ZNF569: variants seen among roughly 807,000 people sequenced by gnomAD.
ZNF569 encodes the protein DNA-binding protein.
Under a neutral mutation model 56.3 loss-of-function variants are expected in ZNF569, and 38 were observed. The observed-to-expected ratio is 0.68, with a 90% CI of 0.52 to 0.88. The LOEUF (loss-of-function observed/expected upper bound fraction) is 0.88. ZNF569 is among the 40% of genes least tolerant of loss of function. The probability of loss-of-function intolerance (pLI) is 0.00; values close to 1 mark genes in which losing one functional copy is unlikely to be tolerated. For missense variants in ZNF569, 666 were observed against 809.2 expected (o/e 0.82, Z 2.15); for synonymous variants, 241 against 262.9 (o/e 0.92, Z 0.81).
At chr19:37,417,190 G>A (rs1437512448) in intron 5 of ZNF569, among the ~76,000 whole-genome samples, 1 of 152,088 alleles carries the variant, frequency 6.6e-6, no homozygotes, top group African/African-American at 2.4e-5. Flanking sequence ...TTCCCTACAG[G>A]TTTCAGAGGG....
At chr19:37,451,021 T>C (rs966557308) in intron 2 of ZNF569, among the ~76,000 whole-genome samples, 2 of 152,192 alleles carry the variant, frequency 1.3e-5, no homozygotes, top group African/African-American at 4.8e-5. Flanking sequence ...TTAACATTTG[T>C]TTTGTGATCT....
At chr19:37,435,794 TATA>T (rs1247998703) in intron 3 of ZNF569, among the ~76,000 whole-genome samples, 1 of 152,168 alleles carries the variant, frequency 6.6e-6, no homozygotes, top group Non-Finnish European at 1.5e-5. Flanking sequence ...AGCAAGAGGA[TATA>T]ATAATTGTCA....
chr19:37,467,399 C>A lies in ZNF569; in HGVS notation c.-520G>T, dbSNP rs1445750562. The A allele has an allele frequency of 6.3e-6, 1 of 159,548 alleles. No homozygotes were observed. The highest frequency in any genetic ancestry group is 1.4e-5 in the Non-Finnish European group (1 of 72,796). 9.9% of individuals were successfully genotyped at this position (159,548 alleles called of 1,614,324 possible). On this transcript the variant is annotated 5_prime_UTR_variant, in exon 1 of 6. Transcript: ENST00000316950. ...GAGCCCAGCTCTGAGAGATTGGGAG[C>A]GCAACTTGGTGCTGAGAAGAATCGA...
At chr19:37,445,182 A>G (rs2041472444) in intron 2 of ZNF569, among the ~76,000 whole-genome samples, 1 of 152,214 alleles carries the variant, frequency 6.6e-6, no homozygotes, top group Non-Finnish European at 1.5e-5. Context: ...AGGGGTGCGT[A>G]TGTGGGAGCT....
In ZNF569 at chr19:37,413,311, C is replaced by G; in HGVS notation, c.1347G>C (p.Gln449His). 1 of 1,608,036 alleles carries G rather than the reference C, an allele frequency of 6.2e-7. No homozygotes were observed. Among genetic ancestry groups the G allele is most frequent in the Non-Finnish European group, 8.5e-7 (1 of 1,178,106 alleles). ...TCTGGTGTCTAACAAGATTTGACAT[C>G]TGTATAAAAGCTTTCCCACATTCAT... ...ECNECGKAFI[Q>H]MSNLVRHQRI... The change falls in exon 6 of 6, where the codon CAG becomes CAC. Residue 449 changes from glutamine to histidine, a missense_variant. Physicochemically the swap from Gln to His is conservative, Grantham distance 24 (BLOSUM62 0). Coordinates refer to ENST00000316950, the MANE Select transcript of ZNF569 (RefSeq NM_152484.3).
At chr19:37,468,148 G>A, upstream of ZNF569, 1 of 577,056 alleles carries the variant, frequency 1.7e-6, no homozygotes, top group Non-Finnish European at 3.1e-6. Context: ...GTGCAGCGGC[G>A]CGATGTTGGC....
At chr19:37,415,971 G>A (rs998342667) in intron 5 of ZNF569, among the ~76,000 whole-genome samples, 6 of 151,542 alleles carry the variant, frequency 4.0e-5, no homozygotes, top group East Asian at 3.9e-4. Context: ...AGTGGCTCAC[G>A]CCTGTAATCC....
intron 3 of ZNF569, among the ~76,000 whole-genome samples, chr19:37,441,271 G>C (rs571177542): frequency 2.6e-5 from 4 of 152,180 alleles, no homozygotes; most frequent in Non-Finnish European, 5.9e-5. Context: ...AGTGGGAAAA[G>C]TGTCATGTCA....
In ZNF569 at chr19:37,412,914, C is replaced by A; in HGVS notation, c.1744G>T (p.Glu582Ter). 1 of 1,614,018 alleles carries A rather than the reference C, an allele frequency of 6.2e-7. No individual in the cohort carries two copies. The highest frequency in any genetic ancestry group is 8.5e-7 in the Non-Finnish European group (1 of 1,179,948). ...HTGEKPYVCN[E>*]CGKAFSQRTS... ...CTTTGAGAGAAGGCTTTCCCACATTCATTACATACATAGGGCTTCTCACCT... is the reference window on the plus strand; with the variant it reads ...CTTTGAGAGAAGGCTTTCCCACATTAATTACATACATAGGGCTTCTCACCT... Residue 582 changes from glutamate (E) to a stop codon, truncating the protein, a stop_gained, in exon 6 of 6, where the codon GAA becomes TAA. Transcript: ENST00000316950. LOFTEE classifies it high-confidence loss of function.
In ZNF569 at chr19:37,412,415, C is replaced by T. The variant is rs995057215; in HGVS notation, c.*182G>A. The T allele has an allele frequency of 4.8e-6, 5 of 1,035,252 alleles. No individual in the cohort carries two copies. In the East Asian group the frequency reaches 1.3e-4, roughly 26 times the overall value. The allele number at this position is 1,035,252 out of a possible 1,614,324, so 64.1% of individuals were successfully genotyped here. On this transcript the variant is annotated 3_prime_UTR_variant, in exon 6 of 6. Coordinates refer to ENST00000316950, the MANE Select transcript of ZNF569 (RefSeq NM_152484.3). ...GATGTCTGCTGAAAGTTTCTGGTAA[C>T]AGCTTTTTCATTATATAATTTGTCA...
At chr19:37,448,072 T>A (rs1229669376) in intron 2 of ZNF569, among the ~76,000 whole-genome samples, 1 of 152,212 alleles carries the variant, frequency 6.6e-6, no homozygotes, top group East Asian at 1.9e-4. Context: ...GGCTTTGGTA[T>A]CTGGGCAAAG....
intron 5 of ZNF569, among the ~76,000 whole-genome samples, chr19:37,424,266 A>G (rs1052831139): frequency 2.6e-5 from 4 of 152,182 alleles, no homozygotes; most frequent in Non-Finnish European, 5.9e-5. Flanking sequence ...TGATTTAACA[A>G]CTGCAAATTA....
At chr19:37,458,449 T>C (rs2041707463) in intron 2 of ZNF569, among the ~76,000 whole-genome samples, 1 of 152,258 alleles carries the variant, frequency 6.6e-6, no homozygotes, top group Non-Finnish European at 1.5e-5. Flanking sequence ...TATCTCTTGA[T>C]TGCTGATCAT....
upstream of ZNF569, chr19:37,467,883 C>T (rs1488867051): frequency 4.6e-6 from 7 of 1,535,940 alleles, no homozygotes; most frequent in African/African-American, 8.2e-5. Context: ...GCAGTTTTGT[C>T]AGAGACAATG....
upstream of ZNF569, chr19:37,468,181 G>T: frequency 1.8e-6 from 1 of 541,152 alleles, no homozygotes; most frequent in South Asian, 2.5e-5. Flanking sequence ...CGAACTCCCG[G>T]GCTCAAGCGA....
intron 2 of ZNF569, among the ~76,000 whole-genome samples, chr19:37,461,286 A>G (rs2041752764): frequency 6.7e-6 from 1 of 148,714 alleles, no homozygotes; most frequent in African/African-American, 2.5e-5. Context: ...GAACTGTTCT[A>G]TTTTTAAAAC....
At chr19:37,457,378 A>G (rs926303253) in intron 2 of ZNF569, among the ~76,000 whole-genome samples, 1 of 152,126 alleles carries the variant, frequency 6.6e-6, no homozygotes, top group Non-Finnish European at 1.5e-5. Flanking sequence ...CCTTGCCCAA[A>G]ATTTACTGGC....
At chr19:37,414,752 A>G (rs1432115784) in intron 5 of ZNF569, among the ~76,000 whole-genome samples, 2 of 152,200 alleles carry the variant, frequency 1.3e-5, no homozygotes, top group African/African-American at 4.8e-5. Context: ...GAAAAAACAA[A>G]AACAGGAAGC....
At chr19:37,444,855 T>A in intron 3 of ZNF569, 52 bp downstream of exon 3, 1 of 1,423,162 alleles carries the variant, frequency 7.0e-7, no homozygotes, top group Non-Finnish European at 9.8e-7. Context: ...GCAATCCCCT[T>A]AAATTGCATT....
Sources: gnomAD v4.1 joint callset for allele counts (sites outside exome capture counted in the v4.1 genomes callset) on GRCh38, gnomAD v4.1.1 for gene constraint, MANE v1.5 for transcripts, NCBI Gene and HGNC (gene_info 2026-07-23, HGNC 2026-07-21) for gene names.